ASPHD1: variants seen among roughly 807,000 people sequenced by gnomAD.
The protein encoded by ASPHD1 is aspartate beta-hydroxylase domain-containing protein 1.
A neutral mutation model predicts 28.3 loss-of-function variants in ASPHD1; 20 were observed. That is an observed-to-expected ratio of 0.71 (90% CI 0.50 to 1.03). The LOEUF (loss-of-function observed/expected upper bound fraction) is 1.03, where lower values mean the gene tolerates loss of function less well. ASPHD1 is among the 50% of genes least tolerant of loss of function. The pLI is 0.00. For missense variants in ASPHD1, 479 were observed against 524.1 expected, an observed-to-expected ratio of 0.91 and a Z score of 0.84; for synonymous variants, 240 against 221.2, an observed-to-expected ratio of 1.08 and a Z score of -0.75.
chr16:29,911,294 A>G, intron 3 of ASPHD1: 1 of 768,060 alleles, frequency 1.3e-6, no homozygotes, highest in Non-Finnish European at 2.1e-6. Flanking sequence ...GGTGCTCAAC[A>G]GAGAGCCTCC....
chr16:29,913,178 A>G (rs1472921287), intron 3 of ASPHD1: 1 of 141,184 alleles, frequency 7.1e-6, no homozygotes, highest in East Asian at 2.0e-4. Context: ...GGCTGAGTGC[A>G]GTGGCATGAC....
chr16:29,911,949 G>A (rs748261049), intron 3 of ASPHD1: 9 of 1,610,290 alleles, frequency 5.6e-6, no homozygotes, highest in Non-Finnish European at 2.5e-6. Flanking sequence ...TGCAGGGCTT[G>A]GGGGCCTCAC....
At chr16:29,909,095 G>C (rs932108029), downstream of ASPHD1, among the ~76,000 whole-genome samples, 1 of 152,066 alleles carries the variant, frequency 6.6e-6, no homozygotes, top group East Asian at 1.9e-4. Context: ...AGCTTCCACT[G>C]TGTGAAAAGG....
intron 3 of ASPHD1, chr16:29,915,068 G>A (rs569821819): frequency 2.0e-5 from 3 of 152,236 alleles, no homozygotes; most frequent in African/African-American, 7.2e-5. Flanking sequence ...TCCAGTTGGA[G>A]AAATGCTAGG....
downstream of ASPHD1, among the ~76,000 whole-genome samples, chr16:29,907,307 T>C (rs2068630696): frequency 6.6e-6 from 1 of 152,226 alleles, no homozygotes; most frequent in South Asian, 2.1e-4. Context: ...GGCAGAATTA[T>C]TTGTTTTCTC....
downstream of ASPHD1, chr16:29,906,733 T>C: frequency 1.4e-6 from 1 of 717,728 alleles, no homozygotes; most frequent in East Asian, 2.7e-5. Flanking sequence ...AGGGCCAAAG[T>C]GAGCTGTGCC....
At chr16:29,914,912 T>C (rs1262178942) in intron 3 of ASPHD1, 1 of 148,536 alleles carries the variant, frequency 6.7e-6, no homozygotes, top group African/African-American at 2.5e-5. Context: ...GAGGCCAAGG[T>C]GGGAGGATTA....
chr16:29,905,486 G>C (rs2068597068), intron 2 of ASPHD1, among the ~76,000 whole-genome samples: 2 of 151,940 alleles, frequency 1.3e-5, no homozygotes, highest in South Asian at 4.2e-4. Flanking sequence ...AAATTACCCA[G>C]GTGTGGTGAT....
downstream of ASPHD1, among the ~76,000 whole-genome samples, chr16:29,910,732 A>G (rs1164192542): frequency 6.6e-6 from 1 of 152,140 alleles, no homozygotes; most frequent in Non-Finnish European, 1.5e-5. Flanking sequence ...CAGGAGTTGC[A>G]AACAGCCTTG....
At chr16:29,911,158 G>A (rs760379264) in intron 3 of ASPHD1, 2 of 1,614,016 alleles carry the variant, frequency 1.2e-6, no homozygotes, top group Non-Finnish European at 8.5e-7. Context: ...TCTTAAGTAG[G>A]TTGTCATCTG....
chr16:29,901,317 C>A lies in ASPHD1; in HGVS notation c.346C>A (p.Arg116Ser). The change falls in exon 1 of 3, where the codon CGT becomes AGT. Residue 116 changes from arginine to serine, a missense_variant. Physicochemically the swap from Arg to Ser is moderately radical, Grantham distance 110 (BLOSUM62 -1). Coordinates refer to ENST00000308748, the MANE Select transcript of ASPHD1 (RefSeq NM_181718.4). The surrounding 1 kb of genome is among the most constrained non-coding windows in gnomAD (Gnocchi z 5.1). ...LGAGSRAGGV[R>S]GGPVGCSEAG... ...GGCTGGGAGCCGAGCTGGGGGTGTT[C>A]GTGGTGGGCCTGTGGGATGCTCGGA... 6.2e-7 allele frequency: 1 copy of A among 1,609,784 alleles called. No homozygotes were observed. Among genetic ancestry groups the A allele is most frequent in the Non-Finnish European group, 8.5e-7 (1 of 1,178,732 alleles).
At chr16:29,905,406 AC>A (rs2068596190) in intron 2 of ASPHD1, among the ~76,000 whole-genome samples, 1 of 152,040 alleles carries the variant, frequency 6.6e-6, no homozygotes, top group Non-Finnish European at 1.5e-5. Context: ...TGGGCGGATC[AC>A]CTGAGGCCAG....
Position 29,905,954 on chromosome 16 carries a change from T to C in ASPHD1, c.*57T>C. The C allele has an allele frequency of 7.2e-7, 1 of 1,396,516 alleles. No individual in the cohort carries two copies. Among genetic ancestry groups the C allele is most frequent in the Non-Finnish European group, 1.0e-6 (1 of 998,028 alleles). The allele number at this position is 1,396,516 out of a possible 1,614,324, so 86.5% of individuals were successfully genotyped here. On this transcript the variant is annotated 3_prime_UTR_variant, in exon 3 of 3. Coordinates refer to ENST00000308748, the MANE Select transcript of ASPHD1 (RefSeq NM_181718.4). Reference sequence around the variant, plus strand: ...GAGAGACACTGCGCTCAGGGACGGCTTGATGGTAGCCAGGACCTCCTCTCT... The same window carrying C: ...GAGAGACACTGCGCTCAGGGACGGCCTGATGGTAGCCAGGACCTCCTCTCT...
At chr16:29,908,018 C>T (rs2068642791), downstream of ASPHD1, among the ~76,000 whole-genome samples, 1 of 150,600 alleles carries the variant, frequency 6.6e-6, no homozygotes. Context: ...AGAGATACAT[C>T]AGGAAAAGAG....
chr16:29,912,144 A>G, intron 3 of ASPHD1: 2 of 802,858 alleles, frequency 2.5e-6, no homozygotes, highest in Non-Finnish European at 4.2e-6. Context: ...ACAACTCCAG[A>G]CTCCTCAGTG....
At chr16:29,908,393 A>AT (rs1377474533), downstream of ASPHD1, among the ~76,000 whole-genome samples, 1 of 151,600 alleles carries the variant, frequency 6.6e-6, no homozygotes. Flanking sequence ...TTTATTTTTT[A>AT]TTTTTTCCTG....
In ASPHD1 at chr16:29,901,911, T is replaced by C; in HGVS notation, c.940T>C (p.Cys314Arg). 1 of 1,495,382 alleles carries C rather than the reference T, an allele frequency of 6.7e-7. No individual in the cohort carries two copies. The highest frequency in any genetic ancestry group is 8.9e-7 in the Non-Finnish European group (1 of 1,125,588). 92.6% of individuals were successfully genotyped at this position (1,495,382 alleles called of 1,614,324 possible). A position where few individuals can be genotyped will look rare whatever the true frequency, so the allele number is the denominator to read the frequency against. ...TGGGCCCACCAATGCCCGGGTCAGA[T>C]GCCATCTGGGTAAGTAGCTGCCGCC... The part of the protein sequence containing the change: ...RCGPTNARVR[C>R]HLGLKIPPGC... The change falls in exon 1 of 3, where the codon TGC becomes CGC. Residue 314 changes from cysteine to arginine, a missense_variant. Physicochemically the swap from Cys to Arg is radical, Grantham distance 180. Transcript: ENST00000308748. The surrounding 1 kb of genome is among the most constrained non-coding windows in gnomAD (Gnocchi z 5.1).
intron 3 of ASPHD1, among the ~76,000 whole-genome samples, chr16:29,917,379 G>A (rs1202453399): frequency 6.6e-6 from 1 of 152,146 alleles, no homozygotes; most frequent in African/African-American, 2.4e-5. Flanking sequence ...AGGTATAGCG[G>A]ATCACACCTG....
intron 3 of ASPHD1, chr16:29,914,821 G>A (rs1040336243): frequency 4.6e-5 from 7 of 152,234 alleles, no homozygotes; most frequent in African/African-American, 1.7e-4. Flanking sequence ...GGCAGGCACA[G>A]GATAACCAGT....
Sources: allele counts gnomAD v4.1 joint callset (sites outside exome capture counted in the v4.1 genomes callset), GRCh38; gene constraint gnomAD v4.1.1; non-coding constraint Gnocchi (gnomAD v3.1); transcripts MANE v1.5; gene names NCBI Gene and HGNC (gene_info 2026-07-23, HGNC 2026-07-21).